Variants in VAC14 observed in about 807,000 individuals in gnomAD.
VAC14 encodes protein VAC14 homolog.
VAC14 carries 47 observed loss-of-function variants against 85.3 expected under a neutral mutation model. That is an observed-to-expected ratio of 0.55 (90% CI 0.44 to 0.70). The LOEUF (loss-of-function observed/expected upper bound fraction) is 0.70, where lower values mean the gene tolerates loss of function less well. Ranked by LOEUF, VAC14 falls within the 30% of genes least tolerant of loss-of-function variation. The probability of loss-of-function intolerance (pLI) is 0.00; values close to 1 mark genes in which losing one functional copy is unlikely to be tolerated. For missense variants in VAC14, 861 were observed against 1,004.3 expected (o/e 0.86, Z 1.93); for synonymous variants, 447 against 430.5 (o/e 1.04, Z -0.47).
chr16:70,764,397 T>C (rs2032645183), intron 10 of VAC14, among the ~76,000 whole-genome samples: 1 of 152,146 alleles, frequency 6.6e-6, no homozygotes, highest in Admixed American at 6.6e-5. Context: ...TGGTGTCTTC[T>C]GAGGATATCG....
intron 13 of VAC14, among the ~76,000 whole-genome samples, chr16:70,739,960 TTTTTG>T (rs2030102158): frequency 6.6e-6 from 1 of 152,112 alleles, no homozygotes; most frequent in South Asian, 2.1e-4. Flanking sequence ...ATGAACAGTT[TTTTTG>T]TTTTATTTTT....
chr16:70,729,826 TTGAATGAA>T (rs35118641), intron 14 of VAC14, among the ~76,000 whole-genome samples: 1 of 151,808 alleles, frequency 6.6e-6, no homozygotes, highest in Non-Finnish European at 1.5e-5. Flanking sequence ...TAAACATCTG[TTGAATGAA>T]TGAATGAATG....
chr16:70,783,310 A>G (rs1370871717), intron 6 of VAC14, 135 bp downstream of exon 6: 1 of 1,069,960 alleles, frequency 9.3e-7, no homozygotes, highest in African/African-American at 1.6e-5. Context: ...TGGCTCCTCA[A>G]AGCGGGAAGC....
intron 13 of VAC14, among the ~76,000 whole-genome samples, chr16:70,736,043 A>G (rs1161838764): frequency 1.3e-5 from 2 of 152,210 alleles, no homozygotes; most frequent in Admixed American, 6.5e-5. Flanking sequence ...GCTGGAGGGC[A>G]CTGGCTTCAT....
At position 70,689,075 on chromosome 16, in the gene VAC14, G is replaced by A. The variant is rs536645555; in HGVS notation, c.2187-985C>T. ...GATGCCAATCGGCGGGGCCGGGAAG[G>A]GGGGTGCAGGCACTGGCAGAGCACA... On this transcript the variant is annotated intron_variant, in intron 18 of 18. Coordinates refer to ENST00000261776, the MANE Select transcript of VAC14 (RefSeq NM_018052.5). 2,356 of 985,556 alleles carry A rather than the reference G, an allele frequency of 2.4e-3. 2 individuals carry two copies. Among genetic ancestry groups the A allele is most frequent in the Non-Finnish European group, 2.7e-3 (2,201 of 830,004 alleles). 61.1% of individuals were successfully genotyped at this position (985,556 alleles called of 1,614,324 possible).
At chr16:70,780,649 G>C in intron 9 of VAC14, 141 bp downstream of exon 9, 1 of 1,088,884 alleles carries the variant, frequency 9.2e-7, no homozygotes, top group Middle Eastern at 3.1e-4. Context: ...CTGCCACTGC[G>C]CTGGGTTGCT....
rs572796867 is a variant in VAC14 at position 70,690,289 on chromosome 16, G to A, written c.2187-2199C>T. On this transcript the variant is annotated intron_variant, in intron 18 of 18. Transcript: ENST00000261776. Reference sequence around the variant, plus strand: ...GGTGGGTGACACTGCCTGGGCTGCTGAGCACAGAGGCCAGGCCCGCTCTCC... The same window carrying A: ...GGTGGGTGACACTGCCTGGGCTGCTAAGCACAGAGGCCAGGCCCGCTCTCC... The A allele has an allele frequency of 3.8e-5, 37 of 985,498 alleles. No individual in the cohort carries two copies. In the South Asian group the frequency reaches 1.4e-3, roughly 36 times the overall value. The allele number at this position is 985,498 out of a possible 1,614,324, so 61.0% of individuals were successfully genotyped here.
intron 1 of VAC14, among the ~76,000 whole-genome samples, chr16:70,793,419 G>C (rs1010740458): frequency 2.6e-5 from 4 of 152,206 alleles, no homozygotes; most frequent in African/African-American, 7.2e-5. Context: ...GCTCAGAGAA[G>C]TTAAGAAATA....
At chr16:70,720,319 A>G (rs968258543) in intron 14 of VAC14, among the ~76,000 whole-genome samples, 3 of 152,202 alleles carry the variant, frequency 2.0e-5, no homozygotes, top group Non-Finnish European at 2.9e-5. Flanking sequence ...TGCACTTTCA[A>G]ATAGTACGTT....
intron 12 of VAC14, among the ~76,000 whole-genome samples, chr16:70,744,789 G>C (rs1469017816): frequency 6.6e-6 from 1 of 152,216 alleles, no homozygotes; most frequent in African/African-American, 2.4e-5. Context: ...ACAGACTACA[G>C]TGAATGGGGC....
chr16:70,743,871 G>C (rs576330697), intron 13 of VAC14, among the ~76,000 whole-genome samples: 1 of 152,318 alleles, frequency 6.6e-6, no homozygotes, highest in East Asian at 1.9e-4. Context: ...CCGAGGCCTA[G>C]GGAGAAGAGC....
chr16:70,695,785 C>T (rs866209228), intron 16 of VAC14, 162 bp from the exon 17 acceptor site: 41 of 632,334 alleles, frequency 6.5e-5, no homozygotes, highest in African/African-American at 6.0e-4. Context: ...CCCTGTTCCT[C>T]GCCTTTCTGT....
At chr16:70,786,442 G>A (rs1393391001) in intron 1 of VAC14, 77 bp from the exon 2 acceptor site, 2 of 1,565,274 alleles carry the variant, frequency 1.3e-6, no homozygotes, top group Non-Finnish European at 8.7e-7. Flanking sequence ...GCGGCAATGA[G>A]GAAGGGAGAT....
chr16:70,702,344 T>C (rs571071676), intron 14 of VAC14, among the ~76,000 whole-genome samples: 2 of 152,280 alleles, frequency 1.3e-5, no homozygotes, highest in East Asian at 3.9e-4. Flanking sequence ...TGTCTCCCTC[T>C]GAGTGAGGTG....
chr16:70,691,976 G>A (rs2053605756), intron 18 of VAC14: 2 of 985,106 alleles, frequency 2.0e-6, no homozygotes, highest in Non-Finnish European at 2.4e-6. Flanking sequence ...AGACACACAG[G>A]GCATCTGATG....
chr16:70,755,942 G>C (rs1597946860), intron 12 of VAC14: 1 of 452,742 alleles, frequency 2.2e-6, no homozygotes, highest in East Asian at 7.0e-5. Flanking sequence ...CACAGCTCGG[G>C]GGTTTGGGGC....
At chr16:70,741,460 T>C (rs1168448549) in intron 13 of VAC14, among the ~76,000 whole-genome samples, 1 of 152,190 alleles carries the variant, frequency 6.6e-6, no homozygotes, top group Non-Finnish European at 1.5e-5. Context: ...GCTGACCTTT[T>C]AAAATCATGG....
chr16:70,751,862 T>G (rs1219482254), intron 12 of VAC14, among the ~76,000 whole-genome samples: 1 of 152,214 alleles, frequency 6.6e-6, no homozygotes, highest in Non-Finnish European at 1.5e-5. Flanking sequence ...GCCCTGGCCC[T>G]GGCCTGGGAA....
intron 1 of VAC14, among the ~76,000 whole-genome samples, chr16:70,799,736 T>A (rs1410394268): frequency 6.6e-6 from 1 of 152,080 alleles, no homozygotes; most frequent in Non-Finnish European, 1.5e-5. Flanking sequence ...AGTTAAGGAA[T>A]TTGCCCCAGG....
Sources: allele counts gnomAD v4.1 joint callset (sites outside exome capture counted in the v4.1 genomes callset), GRCh38; gene constraint gnomAD v4.1.1; transcripts MANE v1.5; gene names NCBI Gene and HGNC (gene_info 2026-07-23, HGNC 2026-07-21).